PPP4R1: variants seen among roughly 807,000 people sequenced by gnomAD.
PPP4R1 encodes the protein protein phosphatase 4 regulatory subunit 1, also known as serine/threonine-protein phosphatase 4 regulatory subunit 1.
Under a neutral mutation model 111.2 loss-of-function variants are expected in PPP4R1, and 42 were observed. The observed-to-expected ratio is 0.38, with a 90% CI of 0.29 to 0.49. The LOEUF (loss-of-function observed/expected upper bound fraction) is 0.49. Among genes scored for constraint, PPP4R1 ranks in the 20% least tolerant of loss-of-function variants. The pLI is 0.97. For missense variants in PPP4R1, 1,012 were observed against 1,161.6 expected (o/e 0.87, Z 1.87); for synonymous variants, 409 against 405.5 (o/e 1.01, Z -0.10).
At position 9,555,948 on chromosome 18, in the gene PPP4R1, A is replaced by G. The variant is rs145809984; in HGVS notation, c.2190+1273T>C. ...TCAGGAGATCAAGACCATCCTGGCC[A>G]ACACGGTGAAACCCCATCTCTACTA... On this transcript the variant is annotated intron_variant, in intron 15 of 19. Coordinates refer to ENST00000400556, the MANE Select transcript of PPP4R1 (RefSeq NM_001042388.3). Among the ~76,000 whole-genome samples the G allele has an allele frequency of 9.3e-3, 1,413 of 151,338 alleles. 21 individuals carry two copies. The highest frequency in any genetic ancestry group is 0.032 in the African/African-American group (1,315 of 41,274).
At chr18:9,586,952 T>G (rs2067126445) in intron 6 of PPP4R1, among the ~76,000 whole-genome samples, 1 of 152,180 alleles carries the variant, frequency 6.6e-6, no homozygotes, top group South Asian at 2.1e-4. Flanking sequence ...TCCTATTACA[T>G]TTGACTTTAT....
chr18:9,566,716 C>A (rs1476102080), intron 11 of PPP4R1, among the ~76,000 whole-genome samples: 2 of 151,492 alleles, frequency 1.3e-5, no homozygotes, highest in Admixed American at 6.6e-5. Context: ...CTCATTTACT[C>A]AAAAATCCTG....
chr18:9,560,485 G>A (rs1311577734), intron 13 of PPP4R1, among the ~76,000 whole-genome samples: 1 of 145,536 alleles, frequency 6.9e-6, no homozygotes, highest in Non-Finnish European at 1.5e-5. Context: ...CAAAATGGAT[G>A]AGTGGAGAAG....
At chr18:9,555,310 T>A (rs905874458) in intron 15 of PPP4R1, among the ~76,000 whole-genome samples, 1 of 151,518 alleles carries the variant, frequency 6.6e-6, no homozygotes, top group Non-Finnish European at 1.5e-5. Flanking sequence ...TCAAAATAAG[T>A]AAGTTAATTA....
Position 9,570,385 on chromosome 18 carries a change from C to CTCT in PPP4R1, c.1344_1345insAGA (p.Leu448_Asp449insArg), listed in dbSNP as rs1200969349. ...TGGAAGGAGTTATACAATTCCTGAT[C>CTCT]TAAGAGAGCTGAATCTTGTGAAGTG... is the stretch of plus-strand genomic sequence containing the variant. On this transcript the variant is annotated inframe_insertion, in exon 11 of 20. Coordinates refer to ENST00000400556, the MANE Select transcript of PPP4R1 (RefSeq NM_001042388.3). 1.1e-5 allele frequency: 18 copies of CTCT among 1,613,560 alleles called. No homozygotes were observed. Among genetic ancestry groups the CTCT allele is most frequent in the Non-Finnish European group, 1.5e-5 (18 of 1,179,828 alleles).
At chr18:9,616,850 G>A (rs754659308), upstream of PPP4R1, among the ~76,000 whole-genome samples, 16 of 152,166 alleles carry the variant, frequency 1.1e-4, no homozygotes, top group Non-Finnish European at 2.1e-4. Flanking sequence ...AGGAGGATCT[G>A]TATCATTTTT....
chr18:9,555,099 T>C (rs1373127959), intron 15 of PPP4R1, among the ~76,000 whole-genome samples: 3 of 151,996 alleles, frequency 2.0e-5, no homozygotes, highest in Non-Finnish European at 2.9e-5. Context: ...GCCCAGGAGT[T>C]CAAGACCAGT....
At chr18:9,612,162 C>T (rs2067592782) in intron 2 of PPP4R1, among the ~76,000 whole-genome samples, 1 of 152,176 alleles carries the variant, frequency 6.6e-6, no homozygotes, top group Non-Finnish European at 1.5e-5. Context: ...ATAATCATCG[C>T]TGTTTACCAG....
At position 9,570,252 on chromosome 18, in the gene PPP4R1, A is replaced by G. The variant is rs1287411426; in HGVS notation, c.1478T>C (p.Val493Ala). The change falls in exon 11 of 20, where the codon GTG (valine) becomes GCG (alanine). Residue 493 changes from valine (V) to alanine (A), a missense_variant. By Grantham distance (64) the Val-to-Ala change is moderately conservative. Coordinates refer to ENST00000400556, the MANE Select transcript of PPP4R1 (RefSeq NM_001042388.3). ...CATGGTGATGTTTGGAGAACTGGGCACAGGGCCCTCAGATTCTTCCTCTGG... is the reference window on the plus strand; with the variant it reads ...CATGGTGATGTTTGGAGAACTGGGCGCAGGGCCCTCAGATTCTTCCTCTGG... ...EGPEEESEGP[V>A]PSSPNITMAT... The G allele has an allele frequency of 6.2e-7, 1 of 1,608,108 alleles. No homozygotes were observed. The highest frequency in any genetic ancestry group is 8.5e-7 in the Non-Finnish European group (1 of 1,177,926).
chr18:9,601,209 T>A (rs1280539873), intron 2 of PPP4R1, among the ~76,000 whole-genome samples: 2 of 150,342 alleles, frequency 1.3e-5, no homozygotes, highest in Non-Finnish European at 2.9e-5. Flanking sequence ...CTGTTGTTTT[T>A]TTTTTTGGGG....
At chr18:9,566,383 C>T (rs1001126794) in intron 11 of PPP4R1, among the ~76,000 whole-genome samples, 19 of 151,800 alleles carry the variant, frequency 1.3e-4, no homozygotes, top group Non-Finnish European at 1.9e-4. Flanking sequence ...GGAGTGGTGG[C>T]TCACGCCTGT....
At chr18:9,608,272 G>C (rs770696237) in intron 2 of PPP4R1, among the ~76,000 whole-genome samples, 16 of 152,148 alleles carry the variant, frequency 1.1e-4, no homozygotes, top group Non-Finnish European at 2.1e-4. Context: ...AAGTTAACTT[G>C]CTCAGATTAT....
chr18:9,607,264 G>T (rs1363271757), intron 2 of PPP4R1, among the ~76,000 whole-genome samples: 4 of 152,010 alleles, frequency 2.6e-5, no homozygotes, highest in Non-Finnish European at 4.4e-5. Flanking sequence ...GGTAAGCTGA[G>T]GTGGGAGGAT....
chr18:9,585,908 G>A (rs117993441), intron 6 of PPP4R1, among the ~76,000 whole-genome samples: 392 of 152,218 alleles, frequency 2.6e-3, no homozygotes, highest in Middle Eastern at 6.8e-3. Flanking sequence ...TTCATAGACT[G>A]TGAAACTGGC....
At position 9,588,186 on chromosome 18, in the gene PPP4R1, A is replaced by G; in HGVS notation, c.488T>C (p.Leu163Pro). 1.2e-6 allele frequency: 2 copies of G among 1,614,184 alleles called. No individual in the cohort carries two copies. The highest frequency in any genetic ancestry group is 8.5e-7 in the Non-Finnish European group (1 of 1,180,010). ...GGTCTCCACATCAAATCGTTCAATG[A>G]GCTCCTGCTCCAACAGAGCCAGCAA... Reference protein sequence around the residue: ...AALLALLEQELIERFDVETKV... With the variant: ...AALLALLEQEPIERFDVETKV... The change falls in exon 6 of 20, where the codon CTC becomes CCC. Residue 163 changes from leucine to proline, a missense_variant. Leu to Pro is a moderately conservative substitution (Grantham distance 98). Around this residue, in one of 2 missense-constraint regions of PPP4R1, gnomAD observed 707 missense variants for 742.1 expected, o/e 0.95. Transcript: ENST00000400556.
rs912772144 is a variant in PPP4R1, at chr18:9,593,871, T to C, written c.192A>G (p.Gln64=). 3 of 1,612,934 alleles carry C rather than the reference T, an allele frequency of 1.9e-6. No homozygotes were observed. The highest frequency in any genetic ancestry group is 2.5e-6 in the Non-Finnish European group (3 of 1,179,560). The change falls in exon 4 of 20, where the codon CAA becomes CAG. Residue 64 remains glutamine (Q), a synonymous_variant. Coordinates refer to ENST00000400556, the MANE Select transcript of PPP4R1 (RefSeq NM_001042388.3). ...TATCGAGCAAACTCCGGGCCACCAT[T>C]TGTCTACACAAAAAAAACAAAATTA... ...YAASENIFNR[Q]MVARSLLDTL...
chr18:9,583,630 G>T (rs1296615599), intron 8 of PPP4R1, among the ~76,000 whole-genome samples: 1 of 151,706 alleles, frequency 6.6e-6, no homozygotes, highest in Non-Finnish European at 1.5e-5. Context: ...GCCTCCCAAA[G>T]TGCTAGGATT....
chr18:9,594,220 G>T (rs528630621), intron 3 of PPP4R1: 1 of 162,096 alleles, frequency 6.2e-6, no homozygotes, highest in East Asian at 1.7e-4. Flanking sequence ...ATGAGTCACT[G>T]CACCTGGCCG....
At chr18:9,593,962 C>T (rs1183816777) in intron 3 of PPP4R1, 88 bp from the exon 4 acceptor site, 4 of 1,022,016 alleles carry the variant, frequency 3.9e-6, no homozygotes, top group Non-Finnish European at 3.0e-6. Flanking sequence ...GGCCTCATTC[C>T]TGTTGCCCAG....
Sources: gnomAD v4.1 joint callset for allele counts (sites outside exome capture counted in the v4.1 genomes callset) on GRCh38, gnomAD v4.1.1 for gene constraint, gnomAD v4.1.1 regional missense constraint, MANE v1.5 for transcripts, NCBI Gene and HGNC (gene_info 2026-07-23, HGNC 2026-07-21) for gene names.